The following PKIB variants were observed in gnomAD, a reference collection of about 807,000 sequenced individuals.
PKIB encodes cAMP-dependent protein kinase inhibitor beta, also known as PKI-beta.
PKIB carries 2 observed loss-of-function variants against 4.5 expected under a neutral mutation model. That is an observed-to-expected ratio of 0.44 (90% CI 0.18 to 1.39). The LOEUF (loss-of-function observed/expected upper bound fraction) is 1.39, where lower values mean the gene tolerates loss of function less well. Among genes scored for constraint, PKIB ranks in the 40% most tolerant of loss-of-function variants. PKIB has a pLI of 0.27. For missense variants in PKIB, 94 were observed against 92.6 expected (o/e 1.02, Z -0.06); for synonymous variants, 38 against 36.0 (o/e 1.06, Z -0.20).
At chr6:122,564,865 C>T (rs1345450509) in intron 2 of PKIB, among the ~76,000 whole-genome samples, 3 of 152,014 alleles carry the variant, frequency 2.0e-5, no homozygotes, top group Admixed American at 6.6e-5. Flanking sequence ...AAGCATTTGC[C>T]GCCAGTGTTA....
chr6:122,485,638 C>G (rs1775745000), intron 2 of PKIB, among the ~76,000 whole-genome samples: 1 of 151,264 alleles, frequency 6.6e-6, no homozygotes, highest in African/African-American at 2.4e-5. Flanking sequence ...GTGGTTAACA[C>G]ATTTCCAATT....
chr6:122,712,053 G>A (rs4945708), intron 3 of PKIB, among the ~76,000 whole-genome samples: 44,539 of 151,946 alleles, frequency 0.29, 7,460 homozygotes, highest in African/African-American at 0.43. Flanking sequence ...AAAAAATTAC[G>A]CAGGTCTACA....
intron 3 of PKIB, among the ~76,000 whole-genome samples, chr6:122,599,393 C>G (rs1343386619): frequency 6.6e-6 from 1 of 152,204 alleles, no homozygotes; most frequent in Admixed American, 6.5e-5. Flanking sequence ...AATGCCCTCA[C>G]TTTAACAGTA....
At chr6:122,619,577 G>A (rs1775139447) in intron 1 of PKIB, among the ~76,000 whole-genome samples, 1 of 152,070 alleles carries the variant, frequency 6.6e-6, no homozygotes, top group Non-Finnish European at 1.5e-5. Context: ...CATGACTGCA[G>A]GCTCTTTGAC....
chr6:122,636,770 G>C (rs1378746685), intron 2 of PKIB, among the ~76,000 whole-genome samples: 3 of 151,996 alleles, frequency 2.0e-5, no homozygotes, highest in Non-Finnish European at 2.9e-5. Context: ...TTTGAAAAAA[G>C]AAGAAAGTTG....
intron 3 of PKIB, among the ~76,000 whole-genome samples, chr6:122,676,923 G>A (rs373133694): frequency 1.4e-4 from 21 of 152,200 alleles, no homozygotes; most frequent in East Asian, 9.6e-4. Context: ...ACTTCAGTTT[G>A]TAAATATTAA....
intron 2 of PKIB, among the ~76,000 whole-genome samples, chr6:122,537,568 C>T (rs1228694130): frequency 1.3e-5 from 2 of 152,136 alleles, no homozygotes; most frequent in Non-Finnish European, 2.9e-5. Context: ...TTTCTTCATC[C>T]AGTCTATCGT....
rs77905026 is a variant in PKIB at position 122,621,583 on chromosome 6, A to G, written c.-161+11048A>G. 2.8e-3 allele frequency among the ~76,000 whole-genome samples: 427 copies of G among 152,336 alleles called. 5 individuals carry two copies. Among genetic ancestry groups the G allele is most frequent in the East Asian group, 0.027 (140 of 5,186 alleles). On this transcript the variant is annotated intron_variant, in intron 1 of 4. Coordinates refer to ENST00000368452, the MANE Select transcript of PKIB (RefSeq NM_181795.3). The stretch of plus-strand genomic sequence containing the variant: ...TGAAAGATAACCACTAGTTTGCCAC[A>G]TAAAGGGGAAGGTGTTCTAGGAAGA...
intron 2 of PKIB, among the ~76,000 whole-genome samples, chr6:122,535,147 G>C (rs955856022): frequency 6.6e-6 from 1 of 150,670 alleles, no homozygotes; most frequent in Non-Finnish European, 1.5e-5. Context: ...ATCAATCTAC[G>C]TCTGCAGAAC....
chr6:122,521,665 G>A (rs1332510626), intron 2 of PKIB, among the ~76,000 whole-genome samples: 1 of 152,050 alleles, frequency 6.6e-6, no homozygotes, highest in African/African-American at 2.4e-5. Flanking sequence ...GGGTGACAGA[G>A]CGAGACTCCA....
chr6:122,714,234 G>A (rs944331862), intron 3 of PKIB, among the ~76,000 whole-genome samples: 5 of 152,110 alleles, frequency 3.3e-5, no homozygotes, highest in Middle Eastern at 3.2e-3. Context: ...TTAGCTATTC[G>A]GTCTGCCTCT....
chr6:122,717,383 C>T (rs1408823888), intron 3 of PKIB, among the ~76,000 whole-genome samples: 4 of 152,080 alleles, frequency 2.6e-5, no homozygotes, highest in African/African-American at 7.2e-5. Context: ...TATTTGGTTT[C>T]AGCCTGAACA....
intron 2 of PKIB, among the ~76,000 whole-genome samples, chr6:122,536,909 T>C (rs967080707): frequency 6.8e-6 from 1 of 147,390 alleles, no homozygotes; most frequent in African/African-American, 2.5e-5. Flanking sequence ...GTCTTTTTTT[T>C]TTTTTTAACC....
At chr6:122,568,418 G>A (rs1417299149) in intron 2 of PKIB, among the ~76,000 whole-genome samples, 6 of 152,194 alleles carry the variant, frequency 3.9e-5, no homozygotes, top group Non-Finnish European at 8.8e-5. Flanking sequence ...ATAGAGGAGA[G>A]TCTGCCTCCA....
chr6:122,668,205 G>A (rs1777307954), intron 2 of PKIB, among the ~76,000 whole-genome samples: 1 of 152,162 alleles, frequency 6.6e-6, no homozygotes, highest in African/African-American at 2.4e-5. Flanking sequence ...AAATGACAGG[G>A]TTTAGAATCC....
chr6:122,608,870 A>G (rs188359043), upstream of PKIB, among the ~76,000 whole-genome samples: 112 of 152,342 alleles, frequency 7.4e-4, no homozygotes, highest in African/African-American at 2.6e-3. Flanking sequence ...TCATGATACC[A>G]TAATTCATAA....
intron 2 of PKIB, among the ~76,000 whole-genome samples, chr6:122,669,002 G>A (rs977513843): frequency 6.6e-6 from 1 of 152,096 alleles, no homozygotes; most frequent in Non-Finnish European, 1.5e-5. Flanking sequence ...ATTGCTTAAG[G>A]CCAAGAGTTT....
rs2115102235 is a variant in PKIB at position 122,725,276 on chromosome 6, G to C, written c.*81G>C. Reference sequence around the variant, plus strand: ...TCTGTTTTCTTGAGACATTTAATCTGGTGGTAACTGTGGTAACATTGCAGC... The same window carrying C: ...TCTGTTTTCTTGAGACATTTAATCTCGTGGTAACTGTGGTAACATTGCAGC... On this transcript the variant is annotated 3_prime_UTR_variant, in exon 5 of 5. Coordinates refer to ENST00000368452, the MANE Select transcript of PKIB (RefSeq NM_181795.3). 8.7e-7 allele frequency: 1 copy of C among 1,153,082 alleles called. No homozygotes were observed. Among genetic ancestry groups the C allele is most frequent in the Non-Finnish European group, 1.3e-6 (1 of 793,376 alleles). 71.4% of individuals were successfully genotyped at this position (1,153,082 alleles called of 1,614,324 possible). A position where few individuals can be genotyped will look rare whatever the true frequency, so the allele number is the denominator to read the frequency against.
intron 3 of PKIB, among the ~76,000 whole-genome samples, chr6:122,705,368 C>T (rs928138224): frequency 2.6e-5 from 4 of 152,248 alleles, no homozygotes; most frequent in African/African-American, 9.6e-5. Flanking sequence ...TAATAGCCAT[C>T]AAGTCTGATA....
Sources: allele counts gnomAD v4.1 joint callset (sites outside exome capture counted in the v4.1 genomes callset), GRCh38; gene constraint gnomAD v4.1.1; transcripts MANE v1.5; gene names NCBI Gene and HGNC (gene_info 2026-07-23, HGNC 2026-07-21).